The following RBFOX1 variants were observed in gnomAD, a reference collection of about 807,000 sequenced individuals.
RBFOX1 encodes RNA binding protein fox-1 homolog 1.
RBFOX1 carries 8 observed loss-of-function variants against 57.7 expected under a neutral mutation model. That is an observed-to-expected ratio of 0.14 (90% CI 0.08 to 0.25). RBFOX1 has a LOEUF of 0.25. Among genes scored for constraint, RBFOX1 ranks in the 10% least tolerant of loss-of-function variants. The pLI, the probability that RBFOX1 is intolerant of heterozygous loss-of-function variation, is 1.00. For synonymous variants in RBFOX1, 326 were observed against 222.4 expected (o/e 1.47, Z -4.15); for missense variants, 611 against 548.5 (o/e 1.11, Z -1.14).
In RBFOX1 at chr16:7,344,833, G is replaced by C. The variant is rs551066743; in HGVS notation, c.28-173314G>C. 8.9e-4 allele frequency among the ~76,000 whole-genome samples: 135 copies of C among 152,306 alleles called. 1 individual carries two copies. Among genetic ancestry groups the C allele is most frequent in the African/African-American group, 3.1e-3 (128 of 41,576 alleles). Reference sequence around the variant, plus strand: ...ATTCTGCAAAGCTTTGGTGTCTGTCGTCTCCCCATCCTCCATGGGGAAATG... The same window carrying C: ...ATTCTGCAAAGCTTTGGTGTCTGTCCTCTCCCCATCCTCCATGGGGAAATG... On this transcript the variant is annotated intron_variant, in intron 4 of 15. Coordinates refer to ENST00000550418, the MANE Select transcript of RBFOX1 (RefSeq NM_018723.4).
intron 3 of RBFOX1, among the ~76,000 whole-genome samples, chr16:6,742,235 A>T (rs533544407): frequency 6.6e-6 from 1 of 152,338 alleles, no homozygotes; most frequent in African/African-American, 2.4e-5. Flanking sequence ...CATGGAAAGA[A>T]TTCGGCATTA....
chr16:6,711,409 C>G (rs62015887), intron 3 of RBFOX1, among the ~76,000 whole-genome samples: 1 of 152,156 alleles, frequency 6.6e-6, no homozygotes, highest in Non-Finnish European at 1.5e-5. Context: ...TATGGTTTGA[C>G]TCTGTGTCCC....
At chr16:6,076,892 C>A (rs11864196) in intron 1 of RBFOX1, among the ~76,000 whole-genome samples, 4,817 of 152,164 alleles carry the variant, frequency 0.032, 137 homozygotes, top group African/African-American at 0.077. Context: ...AGCTCTGGCT[C>A]AAGGTGGGAA....
At chr16:5,967,154 C>T (rs1049285977) in intron 4 of RBFOX1, among the ~76,000 whole-genome samples, 8 of 152,020 alleles carry the variant, frequency 5.3e-5, no homozygotes, top group Admixed American at 2.0e-4. Context: ...CCATCTGGCC[C>T]GCAAAGCCAC....
intron 5 of RBFOX1, among the ~76,000 whole-genome samples, chr16:7,523,586 G>A (rs1229706773): frequency 1.3e-5 from 2 of 152,276 alleles, no homozygotes; most frequent in East Asian, 3.9e-4. Context: ...CTCCAGCAAT[G>A]TTTGGATGGT....
chr16:6,847,408 A>C (rs979287105), intron 3 of RBFOX1, among the ~76,000 whole-genome samples: 2 of 151,992 alleles, frequency 1.3e-5, no homozygotes, highest in Non-Finnish European at 2.9e-5. Flanking sequence ...GTCTAGGGGA[A>C]GCAGCCGTCT....
At chr16:5,857,072 CAT>C (rs931360293) in intron 3 of RBFOX1, among the ~76,000 whole-genome samples, 2 of 152,100 alleles carry the variant, frequency 1.3e-5, no homozygotes, top group African/African-American at 4.8e-5. Flanking sequence ...AGGTGAGAAA[CAT>C]GTGACTCTTT....
At chr16:7,030,533 C>T (rs2042522610) in intron 3 of RBFOX1, among the ~76,000 whole-genome samples, 1 of 152,154 alleles carries the variant, frequency 6.6e-6, no homozygotes, top group Non-Finnish European at 1.5e-5. Flanking sequence ...GTGGCCACAT[C>T]ACTCTAGTCT....
chr16:5,854,176 G>C (rs768025465), intron 3 of RBFOX1, among the ~76,000 whole-genome samples: 1 of 152,142 alleles, frequency 6.6e-6, no homozygotes, highest in East Asian at 1.9e-4. Flanking sequence ...GTTATGATTT[G>C]AGTGTGCCTG....
At chr16:6,360,390 C>G (rs2088224261) in intron 2 of RBFOX1, among the ~76,000 whole-genome samples, 1 of 151,956 alleles carries the variant, frequency 6.6e-6, no homozygotes, top group African/African-American at 2.4e-5. Context: ...AGTTTCTTAT[C>G]AAATTTATTG....
intron 2 of RBFOX1, among the ~76,000 whole-genome samples, chr16:5,499,172 T>C (rs1418483519): frequency 6.6e-6 from 1 of 152,222 alleles, no homozygotes; most frequent in Non-Finnish European, 1.5e-5. Flanking sequence ...GGGTAGAAAC[T>C]GGCTATATTT....
chr16:6,741,461 C>T (rs1019836270), intron 3 of RBFOX1, among the ~76,000 whole-genome samples: 5 of 152,066 alleles, frequency 3.3e-5, no homozygotes, highest in South Asian at 2.1e-4. Context: ...GTCAGGAGTT[C>T]GAGACCAGCC....
At chr16:5,852,255 C>G (rs1398314953) in intron 3 of RBFOX1, among the ~76,000 whole-genome samples, 13 of 152,180 alleles carry the variant, frequency 8.5e-5, no homozygotes, top group Non-Finnish European at 5.9e-5. Context: ...CAAATGCCCT[C>G]CCTCCCTGCC....
intron 3 of RBFOX1, among the ~76,000 whole-genome samples, chr16:6,721,615 C>G (rs1490431823): frequency 6.6e-6 from 1 of 152,192 alleles, no homozygotes; most frequent in African/African-American, 2.4e-5. Context: ...CAGCTCCTGG[C>G]AACCACCATT....
At chr16:7,426,230 A>C (rs534708254) in intron 4 of RBFOX1, among the ~76,000 whole-genome samples, 5 of 152,212 alleles carry the variant, frequency 3.3e-5, no homozygotes, top group Non-Finnish European at 5.9e-5. Flanking sequence ...TGATTGCTCT[A>C]CAAATTGAGT....
At chr16:5,794,136 G>A (rs1462791420) in intron 3 of RBFOX1, among the ~76,000 whole-genome samples, 1 of 152,066 alleles carries the variant, frequency 6.6e-6, no homozygotes, top group African/African-American at 2.4e-5. Flanking sequence ...AATCTCTTGG[G>A]GCTTTTTCTT....
chr16:6,846,987 C>T (rs992309569), intron 3 of RBFOX1, among the ~76,000 whole-genome samples: 7 of 151,814 alleles, frequency 4.6e-5, no homozygotes, highest in Admixed American at 3.9e-4. Flanking sequence ...TTCCTTCTTT[C>T]TGTGTTCTTG....
chr16:6,636,631 T>C (rs1427880595), intron 2 of RBFOX1, among the ~76,000 whole-genome samples: 2 of 151,300 alleles, frequency 1.3e-5, no homozygotes, highest in Non-Finnish European at 2.9e-5. Flanking sequence ...CATGATCTTT[T>C]GAAATGTGTA....
intron 1 of RBFOX1, among the ~76,000 whole-genome samples, chr16:6,127,017 C>T (rs560879647): frequency 7.2e-5 from 11 of 152,256 alleles, no homozygotes; most frequent in African/African-American, 2.4e-4. Context: ...TCTGAAAAGA[C>T]GGTGTTTCCA....
Sources: allele counts gnomAD v4.1 joint callset (sites outside exome capture counted in the v4.1 genomes callset), GRCh38; gene constraint gnomAD v4.1.1; transcripts MANE v1.5; gene names NCBI Gene and HGNC (gene_info 2026-07-23, HGNC 2026-07-21).